PIK3R2: variants seen among roughly 807,000 people sequenced by gnomAD.
PIK3R2 encodes phosphoinositide-3-kinase regulatory subunit 2.
PIK3R2 carries 40 observed loss-of-function variants against 78.5 expected under a neutral mutation model. That is an observed-to-expected ratio of 0.51 (90% CI 0.40 to 0.66). The LOEUF is 0.66. Ranked by LOEUF, PIK3R2 falls within the 30% of genes least tolerant of loss-of-function variation. The pLI is 0.00. For synonymous variants in PIK3R2, 473 were observed against 457.7 expected (o/e 1.03, Z -0.43); for missense variants, 880 against 1,026.6 (o/e 0.86, Z 1.95).
At position 18,168,089 on chromosome 19, in the gene PIK3R2, T is replaced by A. The variant is rs1333643506; in HGVS notation, c.1737-386T>A. ...CTCGTTATGAGTTCATTTGGTCCTT[T>A]TCAAGCCCTTTGTAAAGTTTGCCCT... On this transcript the variant is annotated intron_variant, in intron 13 of 15. Coordinates refer to ENST00000222254, the MANE Select transcript of PIK3R2 (RefSeq NM_005027.4). The surrounding 1 kb of genome is among the most constrained non-coding windows in gnomAD (Gnocchi z 4.1). Among the ~76,000 whole-genome samples the A allele has an allele frequency of 2.0e-5, 3 of 152,262 alleles. No homozygotes were observed. The East Asian group carries it at 5.8e-4, about 29-fold the overall frequency.
rs1568639920 is a variant in PIK3R2, at chr19:18,168,456, C to CT, written c.1737-16dup. ...CACCCACACAACTGCACAAGCCCAC[C>CT]TTTCCTGTTCCTTCTCAGGTGGCTC... On this transcript the variant is annotated intron_variant, in intron 13 of 15. Transcript: ENST00000222254. The surrounding 1 kb of genome is among the most constrained non-coding windows in gnomAD (Gnocchi z 4.1). 1 of 778,702 alleles carries CT rather than the reference C, an allele frequency of 1.3e-6. No homozygotes were observed. Among genetic ancestry groups the CT allele is most frequent in the Non-Finnish European group, 2.4e-6 (1 of 417,188 alleles). 48.2% of individuals were successfully genotyped at this position (778,702 alleles called of 1,614,324 possible).
At chr19:18,159,254 G>A (rs755829391) in intron 2 of PIK3R2, among the ~76,000 whole-genome samples, 1 of 148,884 alleles carries the variant, frequency 6.7e-6, no homozygotes, top group African/African-American at 2.5e-5. Flanking sequence ...GCCTCCCAAA[G>A]TGTTGAGATT....
At position 18,156,219 on chromosome 19, in the gene PIK3R2, G is replaced by C. The variant is rs201235026; in HGVS notation, c.322+18G>C. 3.6e-5 allele frequency: 53 copies of C among 1,462,654 alleles called. No homozygotes were observed. The African/African-American group carries it at 6.2e-4, about 17-fold the overall frequency. The allele number at this position is 1,462,654 out of a possible 1,614,324, so 90.6% of individuals were successfully genotyped here. A position where few individuals can be genotyped will look rare whatever the true frequency, so the allele number is the denominator to read the frequency against. On this transcript the variant is annotated intron_variant, in intron 2 of 15. Transcript: ENST00000222254. The surrounding 1 kb of genome is among the most constrained non-coding windows in gnomAD (Gnocchi z 4.2). ...TGAGCCAGGTGAGCAGCAAGCAGGGGCCCTGGAAAGGGGGGTGGTCCCCTC... is the reference window on the plus strand; with the variant it reads ...TGAGCCAGGTGAGCAGCAAGCAGGGCCCCTGGAAAGGGGGGTGGTCCCCTC...
At chr19:18,162,782 C>CG (rs1345159513) in intron 9 of PIK3R2, 185 bp from the exon 10 acceptor site, 8 of 619,294 alleles carry the variant, frequency 1.3e-5, no homozygotes, top group Non-Finnish European at 2.2e-5. Context: ...CCCAACTACT[C>CG]GGGAGGCTGA....
chr19:18,162,329 G>T lies in PIK3R2; in HGVS notation c.1010+19G>T, dbSNP rs2043757858. ...TTTCAAGGTAGGTTGCTGGCAGGGGGCCAGGGACCAAGGAGGTGTCACAGG... is the reference window on the plus strand; with the variant it reads ...TTTCAAGGTAGGTTGCTGGCAGGGGTCCAGGGACCAAGGAGGTGTCACAGG... On this transcript the variant is annotated intron_variant, in intron 8 of 15. Transcript: ENST00000222254. 1 of 1,592,546 alleles carries T rather than the reference G, an allele frequency of 6.3e-7. No homozygotes were observed. Among genetic ancestry groups the T allele is most frequent in the African/African-American group, 1.3e-5 (1 of 74,612 alleles).
chr19:18,168,861 GA>G lies in PIK3R2; in HGVS notation c.1945del (p.Ser649AlafsTer12). The G allele has an allele frequency of 6.2e-7, 1 of 1,613,622 alleles. No individual in the cohort carries two copies. The highest frequency in any genetic ancestry group is 1.1e-5 in the South Asian group (1 of 91,032). ...GGGATGGCACCTTCCTCATCCGCGA[GA>G]GCAGCCAGCGGGGCTGCTACGCCTG... ...KRDGTFLIRE[S>X]SQRGCYACSV... On this transcript the variant is annotated frameshift_variant, in exon 15 of 16. Transcript: ENST00000222254. LOFTEE classifies it high-confidence loss of function. The surrounding 1 kb of genome is among the most constrained non-coding windows in gnomAD (Gnocchi z 4.1).
intron 11 of PIK3R2, among the ~76,000 whole-genome samples, chr19:18,163,913 G>A (rs58262463): frequency 0.01 from 1,569 of 152,190 alleles, 58 homozygotes; most frequent in Admixed American, 0.061. Context: ...GATCACCTGA[G>A]GTCAGGAGTT....
Position 18,163,125 on chromosome 19 carries a change from A to G in PIK3R2, c.1268A>G (p.Tyr423Cys), listed in dbSNP as rs1477997406. 1.9e-6 allele frequency: 3 copies of G among 1,613,580 alleles called. No individual in the cohort carries two copies. The highest frequency in any genetic ancestry group is 1.7e-5 in the Admixed American group (1 of 59,934). Residue 423 changes from tyrosine (Y) to cysteine (C), a missense_variant, in exon 10 of 16, where the codon TAC becomes TGC. Tyr to Cys is a radical substitution (Grantham distance 194, BLOSUM62 -2). Transcript: ENST00000222254. ...GCCAAGCTGGACACACGGCTCCTCTACCCTGTGTCCAAATACCAGCAGGTC... is the reference window on the plus strand; with the variant it reads ...GCCAAGCTGGACACACGGCTCCTCTGCCCTGTGTCCAAATACCAGCAGGTC... ...YNAKLDTRLL[Y>C]PVSKYQQDQI... is the part of the protein sequence containing the mutation.
At position 18,155,729 on chromosome 19, in the gene PIK3R2, G is replaced by A. The variant is rs1414906216; in HGVS notation, c.-151G>A. On this transcript the variant is annotated 5_prime_UTR_variant, in exon 2 of 16. Transcript: ENST00000222254. Reference sequence around the variant, plus strand: ...GAATAATTTGAAGCGAGGCATGAGCGGCCCCTGTGGTCGCCTGTGACTGCT... The same window carrying A: ...GAATAATTTGAAGCGAGGCATGAGCAGCCCCTGTGGTCGCCTGTGACTGCT... 11 of 615,780 alleles carry A rather than the reference G, an allele frequency of 1.8e-5. No homozygotes were observed. The highest frequency in any genetic ancestry group is 3.2e-5 in the Admixed American group (1 of 31,102). The allele number at this position is 615,780 out of a possible 1,614,324, so 38.1% of individuals were successfully genotyped here. A position where few individuals can be genotyped will look rare whatever the true frequency, so the allele number is the denominator to read the frequency against.
chr19:18,158,866 G>A (rs984538391), intron 2 of PIK3R2, among the ~76,000 whole-genome samples: 3 of 152,088 alleles, frequency 2.0e-5, no homozygotes, highest in Non-Finnish European at 4.4e-5. Flanking sequence ...TTTTGAGATG[G>A]AGTTTCGCTC....
rs2043678447 is a variant in PIK3R2, at chr19:18,156,188, G to A, written c.309G>A (p.Gly103=). The change falls in exon 2 of 16, where the codon GGG becomes GGA. Residue 103 remains glycine (G), a synonymous_variant. Coordinates refer to ENST00000222254, the MANE Select transcript of PIK3R2 (RefSeq NM_005027.4). The surrounding 1 kb of genome is among the most constrained non-coding windows in gnomAD (Gnocchi z 4.2). ...CACTGCCCGCCAGGCCCCGTGATGG[G>A]GCCCCTGAGCCAGGTGAGCAGCAAG... The part of the protein sequence containing the change: ...PRPLPARPRD[G]APEPGLTLPD... 6.8e-7 allele frequency: 1 copy of A among 1,462,098 alleles called. No homozygotes were observed. Among genetic ancestry groups the A allele is most frequent in the Admixed American group, 2.8e-5 (1 of 36,072 alleles). The allele number at this position is 1,462,098 out of a possible 1,614,324, so 90.6% of individuals were successfully genotyped here.
Position 18,155,625 on chromosome 19 carries a change from C to G in PIK3R2, c.-255C>G, listed in dbSNP as rs2043669090. On this transcript the variant is annotated 5_prime_UTR_variant, in exon 2 of 16. Coordinates refer to ENST00000222254, the MANE Select transcript of PIK3R2 (RefSeq NM_005027.4). ...ATGGAGGACTCAATGGCCCAGTGAC[C>G]TGACACCACACCACCAACTCCCTCC... 3 of 537,712 alleles carry G rather than the reference C, an allele frequency of 5.6e-6. No individual in the cohort carries two copies. The highest frequency in any genetic ancestry group is 9.8e-6 in the Non-Finnish European group (3 of 307,330). The allele number at this position is 537,712 out of a possible 1,614,324, so 33.3% of individuals were successfully genotyped here.
At chr19:18,154,032 C>T (rs892387698) in intron 1 of PIK3R2, among the ~76,000 whole-genome samples, 1 of 152,170 alleles carries the variant, frequency 6.6e-6, no homozygotes, top group Non-Finnish European at 1.5e-5. Flanking sequence ...GACACTCGGG[C>T]CTCTTGGTGG....
At chr19:18,154,376 G>A (rs1191138058) in intron 1 of PIK3R2, among the ~76,000 whole-genome samples, 2 of 152,034 alleles carry the variant, frequency 1.3e-5, no homozygotes, top group Non-Finnish European at 2.9e-5. Context: ...TGGGGCTAAG[G>A]TTCCTTCTAA....
Position 18,162,403 on chromosome 19 carries a change from C to T in PIK3R2, c.1011-5C>T. On this transcript the variant is annotated splice_polypyrimidine_tract_variant and splice_region_variant and intron_variant, in intron 8 of 15. Coordinates refer to ENST00000222254, the MANE Select transcript of PIK3R2 (RefSeq NM_005027.4). ...CGGCAGTCCCAATGTTGGATGTTCC[C>T]ACAGGGAGGAGGTGAACGAGAAACT... 1 of 1,613,040 alleles carries T rather than the reference C, an allele frequency of 6.2e-7. No homozygotes were observed. The highest frequency in any genetic ancestry group is 1.1e-5 in the South Asian group (1 of 91,066).
Position 18,161,141 on chromosome 19 carries a change from T to TGGCACTGCC in PIK3R2, c.554_555insGGCACTGCC (p.Leu185_Val186insAlaLeuPro). The TGGCACTGCC allele has an allele frequency of 6.4e-7, 1 of 1,555,550 alleles. No homozygotes were observed. The highest frequency in any genetic ancestry group is 8.7e-7 in the Non-Finnish European group (1 of 1,150,524). ...TTCCTGCTGGCACTGCCCGCGCCGC[T>TGGCACTGCC]CGTGACCCCCGAGGCCTCGGCCGAG... On this transcript the variant is annotated inframe_insertion, in exon 5 of 16. Transcript: ENST00000222254. The surrounding 1 kb of genome is among the most constrained non-coding windows in gnomAD (Gnocchi z 5.3).
At position 18,163,027 on chromosome 19, in the gene PIK3R2, A is replaced by G. The variant is rs2147952988; in HGVS notation, c.1170A>G (p.Ser390=). 1.2e-6 allele frequency: 2 copies of G among 1,613,466 alleles called. No individual in the cohort carries two copies. The part of the protein sequence containing the change: ...VFHRDGHYGF[S]EPLTFCSVVD... Reference sequence around the variant, plus strand: ...ACCGAGATGGGCACTATGGCTTCTCAGAGCCACTCACCTTCTGCTCCGTTG... The same window carrying G: ...ACCGAGATGGGCACTATGGCTTCTCGGAGCCACTCACCTTCTGCTCCGTTG... Residue 390 remains serine (S), a synonymous_variant, in exon 10 of 16, where the codon TCA becomes TCG. Transcript: ENST00000222254.
At chr19:18,164,712 T>G (rs1348845819) in intron 11 of PIK3R2, among the ~76,000 whole-genome samples, 1 of 148,514 alleles carries the variant, frequency 6.7e-6, no homozygotes, top group Non-Finnish European at 1.5e-5. Context: ...CTCAGCTCAC[T>G]GCAACCTCCG....
intron 7 of PIK3R2, 63 bp downstream of exon 7, chr19:18,162,114 G>A (rs1191254288): frequency 6.5e-7 from 1 of 1,527,144 alleles, no homozygotes; most frequent in Admixed American, 1.7e-5. Flanking sequence ...ATCCCTGAGT[G>A]CTGCCGGCAT....
Sources: gnomAD v4.1 joint callset for allele counts (sites outside exome capture counted in the v4.1 genomes callset) on GRCh38, gnomAD v4.1.1 for gene constraint, Gnocchi (gnomAD v3.1) non-coding constraint, MANE v1.5 for transcripts, NCBI Gene and HGNC (gene_info 2026-07-23, HGNC 2026-07-21) for gene names.